NIN: variants seen among roughly 807,000 people sequenced by gnomAD.
The protein encoded by NIN is ninein, also known as glycogen synthase kinase 3 beta-interacting protein.
Under a neutral mutation model 257.6 loss-of-function variants are expected in NIN, and 137 were observed. The observed-to-expected ratio is 0.53, with a 90% CI of 0.46 to 0.61. The LOEUF is 0.61. Ranked by LOEUF, NIN falls within the 20% of genes least tolerant of loss-of-function variation. NIN has a pLI of 0.00. For synonymous variants in NIN, 918 were observed against 919.8 expected (o/e 1.00, Z 0.04); for missense variants, 2,439 against 2,501.2 (o/e 0.98, Z 0.53).
chr14:50,788,946 T>A (rs1054710188), intron 5 of NIN, among the ~76,000 whole-genome samples: 5 of 152,120 alleles, frequency 3.3e-5, no homozygotes, highest in Admixed American at 6.5e-5. Context: ...AAAGAAAAAG[T>A]CATTTGAGGA....
intron 22 of NIN, among the ~76,000 whole-genome samples, chr14:50,744,921 T>C (rs1042893596): frequency 5.3e-5 from 8 of 151,804 alleles, no homozygotes; most frequent in Non-Finnish European, 8.8e-5. Context: ...AGAGACTCTG[T>C]CTCCAAAACA....
intron 5 of NIN, among the ~76,000 whole-genome samples, chr14:50,785,901 C>G (rs2043326662): frequency 6.6e-6 from 1 of 152,184 alleles, no homozygotes. Context: ...CCCAGTCTCT[C>G]CATTCTGAAC....
chr14:50,767,558 C>T (rs1446493129), intron 12 of NIN, among the ~76,000 whole-genome samples: 1 of 152,118 alleles, frequency 6.6e-6, no homozygotes, highest in African/African-American at 2.4e-5. Flanking sequence ...TGGCTCACGC[C>T]TGTAATCCCA....
chr14:50,766,681 T>A, intron 13 of NIN, 99 bp downstream of exon 13: 1 of 800,034 alleles, frequency 1.2e-6, no homozygotes, highest in Non-Finnish European at 2.1e-6. Flanking sequence ...ACCCCAGTAA[T>A]TGCCTAATAA....
intron 2 of NIN, among the ~76,000 whole-genome samples, chr14:50,825,897 C>T (rs1566887648): frequency 6.6e-6 from 1 of 152,196 alleles, no homozygotes; most frequent in South Asian, 2.1e-4. Flanking sequence ...TAATTATAGC[C>T]TACAAGGCAC....
intron 24 of NIN, among the ~76,000 whole-genome samples, chr14:50,742,560 A>ATT (rs2041341049): frequency 6.6e-6 from 1 of 151,694 alleles, no homozygotes; most frequent in Non-Finnish European, 1.5e-5. Flanking sequence ...CGCTCGGCTA[A>ATT]TTTTTTTGTA....
intron 5 of NIN, among the ~76,000 whole-genome samples, chr14:50,786,748 A>G (rs775567938): frequency 2.0e-5 from 3 of 152,240 alleles, no homozygotes; most frequent in Admixed American, 6.5e-5. Context: ...ACAAGGGAGT[A>G]ACAGGAAAAT....
At chr14:50,729,791 C>G in intron 28 of NIN, 68 bp from the exon 29 acceptor site, 1 of 1,248,164 alleles carries the variant, frequency 8.0e-7, no homozygotes, top group South Asian at 1.5e-5. Flanking sequence ...TTTATGGTGT[C>G]AGGCAGTGAG....
chr14:50,763,688 C>G, intron 15 of NIN, 138 bp downstream of exon 15: 1 of 678,616 alleles, frequency 1.5e-6, no homozygotes, highest in Non-Finnish European at 2.4e-6. Flanking sequence ...AGTGAAACAG[C>G]TCAAGAAAAG....
In NIN at chr14:50,754,734, C is replaced by G; in HGVS notation, c.4664+8G>C. ...AATGTCTTAGGAAAATGTAAGTATA[C>G]GTCTTACCACATTTCTTCCTGAGAT... On this transcript the variant is annotated splice_region_variant and intron_variant, in intron 19 of 30. Transcript: ENST00000530997. 1 of 1,582,026 alleles carries G rather than the reference C, an allele frequency of 6.3e-7. No homozygotes were observed. Among genetic ancestry groups the G allele is most frequent in the Non-Finnish European group, 8.6e-7 (1 of 1,162,374 alleles).
chr14:50,821,275 C>T (rs1347096316), intron 3 of NIN, among the ~76,000 whole-genome samples: 1 of 152,254 alleles, frequency 6.6e-6, no homozygotes, highest in African/African-American at 2.4e-5. Context: ...TTACTCACAT[C>T]TGTGACTTGA....
At chr14:50,783,536 G>A (rs186774334) in intron 5 of NIN, among the ~76,000 whole-genome samples, 1 of 152,036 alleles carries the variant, frequency 6.6e-6, no homozygotes, top group East Asian at 1.9e-4. Context: ...TTACCACACA[G>A]ATAGGAGGTA....
At chr14:50,775,472 T>C (rs1295112113) in intron 7 of NIN, among the ~76,000 whole-genome samples, 1 of 152,174 alleles carries the variant, frequency 6.6e-6, no homozygotes, top group Non-Finnish European at 1.5e-5. Context: ...GTTGTAAAAT[T>C]TTAGGATTCC....
chr14:50,757,722 A>C lies in NIN; in HGVS notation c.3308T>G (p.Val1103Gly), dbSNP rs745773594. 3 of 1,614,172 alleles carry C rather than the reference A, an allele frequency of 1.9e-6. No individual in the cohort carries two copies. Among genetic ancestry groups the C allele is most frequent in the Non-Finnish European group, 2.5e-6 (3 of 1,180,028 alleles). ...QRLQKLEPGL[V>G]MSSCLDEPAT... ...TGGCTCATCCAAACAAGAAGACATT[A>C]CTAACCCTGGCTCTAACTTTTGTAG... is the stretch of plus-strand genomic sequence containing the variant. Residue 1103 changes from valine (V) to glycine (G), a missense_variant, in exon 18 of 31, where the codon GTA (valine) becomes GGA (glycine). By Grantham distance (109) the Val-to-Gly change is moderately radical. This residue lies in a region of NIN where 2,043 missense variants were observed against 2,050.2 expected (regional missense o/e 1.00). Coordinates refer to ENST00000530997, the MANE Select transcript of NIN (RefSeq NM_020921.4).
At chr14:50,728,103 T>C (rs991774991) in intron 29 of NIN, among the ~76,000 whole-genome samples, 2 of 151,744 alleles carry the variant, frequency 1.3e-5, no homozygotes, top group South Asian at 2.1e-4. Flanking sequence ...CCTGAAGGAA[T>C]TGGAGGAAAA....
At chr14:50,825,257 A>C (rs2142514362) in intron 2 of NIN, among the ~76,000 whole-genome samples, 1 of 152,382 alleles carries the variant, frequency 6.6e-6, no homozygotes, top group Middle Eastern at 3.4e-3. Context: ...GAAGCAAAGC[A>C]GGAGATGTGA....
chr14:50,799,016 C>T (rs10138098), intron 4 of NIN, among the ~76,000 whole-genome samples: 148,095 of 152,344 alleles, frequency 0.97, 72,159 homozygotes, highest in Non-Finnish European at 1. Flanking sequence ...GACCTCGTGA[C>T]CCATCTGCCT....
chr14:50,783,551 G>C (rs2043220279), intron 5 of NIN, among the ~76,000 whole-genome samples: 1 of 151,594 alleles, frequency 6.6e-6, no homozygotes, highest in Non-Finnish European at 1.5e-5. Context: ...GAGGTATTCT[G>C]TGCTTCCTTC....
At chr14:50,790,233 T>C (rs1595876001) in intron 5 of NIN, among the ~76,000 whole-genome samples, 1 of 152,088 alleles carries the variant, frequency 6.6e-6, no homozygotes, top group African/African-American at 2.4e-5. Flanking sequence ...TTTTTTTGAG[T>C]TTCGTAGAAA....
Sources: gnomAD v4.1 joint callset for allele counts (sites outside exome capture counted in the v4.1 genomes callset) on GRCh38, gnomAD v4.1.1 for gene constraint, gnomAD v4.1.1 regional missense constraint, MANE v1.5 for transcripts, NCBI Gene and HGNC (gene_info 2026-07-23, HGNC 2026-07-21) for gene names.